ATRN: variants seen among roughly 807,000 people sequenced by gnomAD.
The protein encoded by ATRN is attractin.
In ATRN, 54 loss-of-function variants were observed where a neutral mutation model predicts 178.7. The ratio of observed to expected loss-of-function variants is 0.30; its 90% confidence interval spans 0.24 to 0.38. ATRN has a LOEUF of 0.38. Among genes scored for constraint, ATRN ranks in the 10% least tolerant of loss-of-function variants. ATRN has a pLI of 1.00. For synonymous variants in ATRN, 636 were observed against 663.0 expected, an observed-to-expected ratio of 0.96 and a Z score of 0.63; for missense variants, 1,443 against 1,815.1, an observed-to-expected ratio of 0.79 and a Z score of 3.73.
At chr20:3,554,305 T>TTTTTTTTATTTA (rs1555815681) in intron 6 of ATRN, among the ~76,000 whole-genome samples, 45 of 139,236 alleles carry the variant, frequency 3.2e-4, no homozygotes, top group South Asian at 9.5e-4. Flanking sequence ...GATTACAGAT[T>TTTTTTTTATTTA]TTTATTTATT....
intron 18 of ATRN, among the ~76,000 whole-genome samples, chr20:3,585,732 C>T (rs965475051): frequency 6.6e-6 from 1 of 152,088 alleles, no homozygotes; most frequent in East Asian, 1.9e-4. Context: ...ACACGTAACT[C>T]TTAAAACTCA....
chr20:3,578,552 C>A (rs1407367966), intron 14 of ATRN, 30 bp from the exon 15 acceptor site: 18 of 1,559,878 alleles, frequency 1.2e-5, no homozygotes, highest in Non-Finnish European at 1.6e-5. Flanking sequence ...TTCTAAAATT[C>A]TTTTCTTTCT....
intron 6 of ATRN, among the ~76,000 whole-genome samples, chr20:3,550,145 G>T (rs235597): frequency 0.8 from 120,800 of 151,764 alleles, 48,380 homozygotes; most frequent in East Asian, 1. Context: ...CTGGCCAACA[G>T]GATAAAACCC....
At chr20:3,631,344 G>A (rs2086988388) in intron 25 of ATRN, among the ~76,000 whole-genome samples, 1 of 151,986 alleles carries the variant, frequency 6.6e-6, no homozygotes, top group Admixed American at 6.6e-5. Context: ...TATAATATAT[G>A]GAAAAAAGAA....
At chr20:3,596,330 G>C in intron 20 of ATRN, 47 bp from the exon 21 acceptor site, 1 of 1,543,646 alleles carries the variant, frequency 6.5e-7, no homozygotes, top group Non-Finnish European at 8.9e-7. Flanking sequence ...AATGAATTCA[G>C]TTTCTGTTTT....
intron 11 of ATRN, among the ~76,000 whole-genome samples, chr20:3,569,024 A>G (rs1227859076): frequency 6.6e-6 from 1 of 152,208 alleles, no homozygotes. Flanking sequence ...TTAGCCGGTA[A>G]TATGCATGTG....
At chr20:3,573,610 G>A (rs2086160177) in intron 12 of ATRN, among the ~76,000 whole-genome samples, 1 of 152,068 alleles carries the variant, frequency 6.6e-6, no homozygotes, top group Non-Finnish European at 1.5e-5. Context: ...GATGGGCGAT[G>A]ATCCCTGCTT....
intron 23 of ATRN, 54 bp downstream of exon 23, chr20:3,601,078 A>G: frequency 2.0e-6 from 3 of 1,493,650 alleles, no homozygotes; most frequent in South Asian, 1.2e-5. Flanking sequence ...AGATTAAGAA[A>G]TGTAATATAG....
At position 3,578,608 on chromosome 20, in the gene ATRN, T is replaced by G. The variant is rs776348630; in HGVS notation, c.2380T>G (p.Leu794Val). Reference sequence around the variant, plus strand: ...AAATATCTGTGGCATTGGCTGGCATTTGGTTGGAAACTCATGTTTGAAAAT... The same window carrying G: ...AAATATCTGTGGCATTGGCTGGCATGTGGTTGGAAACTCATGTTTGAAAAT... ...PENICGIGWH[L>V]VGNSCLKITT... The change falls in exon 15 of 29, where the codon TTG becomes GTG. Residue 794 changes from leucine (L) to valine (V), a missense_variant. Leu to Val is a conservative substitution (Grantham distance 32). Coordinates refer to ENST00000262919, the MANE Select transcript of ATRN (RefSeq NM_139321.3). 1.2e-6 allele frequency: 2 copies of G among 1,609,488 alleles called. No homozygotes were observed. The highest frequency in any genetic ancestry group is 2.2e-5 in the South Asian group (2 of 89,954).
At chr20:3,629,390 C>G (rs1226389949) in intron 25 of ATRN, 2 of 778,430 alleles carry the variant, frequency 2.6e-6, no homozygotes, top group African/African-American at 3.8e-5. Flanking sequence ...AGCACAAGCT[C>G]TTTCCCTACA....
At chr20:3,598,614 A>G (rs1435989579) in intron 22 of ATRN, among the ~76,000 whole-genome samples, 2 of 152,248 alleles carry the variant, frequency 1.3e-5, no homozygotes. Flanking sequence ...TTAACGATGA[A>G]GCCCAACCTG....
chr20:3,615,191 G>A (rs2146306222), intron 24 of ATRN, among the ~76,000 whole-genome samples: 1 of 152,204 alleles, frequency 6.6e-6, no homozygotes, highest in African/African-American at 2.4e-5. Flanking sequence ...CACTTAGGGA[G>A]GCCGAGGCGG....
chr20:3,624,073 C>T (rs1398308516), intron 24 of ATRN, among the ~76,000 whole-genome samples: 4 of 152,172 alleles, frequency 2.6e-5, no homozygotes, highest in Non-Finnish European at 2.9e-5. Context: ...CAATATCTTG[C>T]AGTCAGTACA....
chr20:3,492,689 G>A (rs902997905), intron 1 of ATRN, among the ~76,000 whole-genome samples: 2 of 151,928 alleles, frequency 1.3e-5, no homozygotes, highest in Admixed American at 6.6e-5. Flanking sequence ...AACGTTTTGC[G>A]CATGGGAGAA....
intron 24 of ATRN, among the ~76,000 whole-genome samples, chr20:3,623,025 AT>A (rs1413829839): frequency 5.3e-5 from 8 of 152,222 alleles, no homozygotes; most frequent in Non-Finnish European, 1.0e-4. Context: ...TATCTCATAG[AT>A]TCTTTAAGTG....
intron 6 of ATRN, among the ~76,000 whole-genome samples, chr20:3,556,870 G>A (rs560845145): frequency 6.6e-6 from 1 of 152,124 alleles, no homozygotes; most frequent in East Asian, 1.9e-4. Flanking sequence ...CCAGATTATG[G>A]GGACCTGCCA....
At chr20:3,507,669 A>T (rs530159821) in intron 1 of ATRN, among the ~76,000 whole-genome samples, 1 of 151,858 alleles carries the variant, frequency 6.6e-6, no homozygotes, top group Non-Finnish European at 1.5e-5. Context: ...CATTTTTGCT[A>T]ACAACCAAAG....
chr20:3,636,910 CAA>C (rs1333738004), intron 26 of ATRN, among the ~76,000 whole-genome samples: 2 of 152,120 alleles, frequency 1.3e-5, no homozygotes, highest in Non-Finnish European at 2.9e-5. Context: ...GGAAAGGAAA[CAA>C]AATTATTATT....
chr20:3,638,108 T>C lies in ATRN; in HGVS notation c.3943-720T>C, dbSNP rs2087039236. Reference sequence around the variant, plus strand: ...CATAGCATTAAATCCACAGTACTTTTATTTTTATCTTTATTTTCTTATTTT... The same window carrying C: ...CATAGCATTAAATCCACAGTACTTTCATTTTTATCTTTATTTTCTTATTTT... On this transcript the variant is annotated intron_variant, in intron 26 of 28. Transcript: ENST00000262919. The surrounding 1 kb of genome is among the most constrained non-coding windows in gnomAD (Gnocchi z 4.5). Among the ~76,000 whole-genome samples the C allele has an allele frequency of 6.6e-6, 1 of 152,208 alleles. No homozygotes were observed. Among genetic ancestry groups the C allele is most frequent in the Non-Finnish European group, 1.5e-5 (1 of 68,024 alleles).
Sources: allele counts gnomAD v4.1 joint callset (sites outside exome capture counted in the v4.1 genomes callset), GRCh38; gene constraint gnomAD v4.1.1; non-coding constraint Gnocchi (gnomAD v3.1); transcripts MANE v1.5; gene names NCBI Gene and HGNC (gene_info 2026-07-23, HGNC 2026-07-21).